Variants in DGKG observed in about 807,000 individuals in gnomAD.
DGKG encodes the protein diacylglycerol kinase gamma.
A neutral mutation model predicts 105.3 loss-of-function variants in DGKG; 78 were observed. That is an observed-to-expected ratio of 0.74 (90% CI 0.62 to 0.89). DGKG has a LOEUF of 0.89. Ranked by LOEUF, DGKG falls within the 40% of genes least tolerant of loss-of-function variation. The pLI is 0.00. For missense variants in DGKG, 958 were observed against 1,020.1 expected, an observed-to-expected ratio of 0.94 and a Z score of 0.83; for synonymous variants, 346 against 367.1, an observed-to-expected ratio of 0.94 and a Z score of 0.66.
chr3:186,234,611 G>T (rs1720324733), intron 20 of DGKG, among the ~76,000 whole-genome samples: 1 of 152,142 alleles, frequency 6.6e-6, no homozygotes. Flanking sequence ...ACATGAATAA[G>T]ACCTTTCCTG....
At chr3:186,240,625 C>T (rs533809542) in intron 20 of DGKG, among the ~76,000 whole-genome samples, 2 of 152,122 alleles carry the variant, frequency 1.3e-5, no homozygotes, top group African/African-American at 4.8e-5. Context: ...GCCTGGCCAA[C>T]ATGGTGAAAC....
intron 2 of DGKG, among the ~76,000 whole-genome samples, chr3:186,309,111 A>G (rs542283488): frequency 2.1e-4 from 32 of 152,362 alleles, no homozygotes; most frequent in Non-Finnish European, 3.5e-4. Flanking sequence ...AATGATATGA[A>G]GTTCTATGAA....
chr3:186,339,978 G>T (rs1726012215), intron 1 of DGKG, among the ~76,000 whole-genome samples: 1 of 152,222 alleles, frequency 6.6e-6, no homozygotes, highest in East Asian at 1.9e-4. Flanking sequence ...TAGGATTAAA[G>T]ATAATGAATA....
At chr3:186,269,230 C>T (rs1722203165) in intron 11 of DGKG, among the ~76,000 whole-genome samples, 1 of 152,252 alleles carries the variant, frequency 6.6e-6, no homozygotes, top group African/African-American at 2.4e-5. Context: ...TTGCAGAACG[C>T]CTTGCAGAGT....
At chr3:186,264,979 G>A (rs1016188315) in intron 14 of DGKG, among the ~76,000 whole-genome samples, 2 of 152,172 alleles carry the variant, frequency 1.3e-5, no homozygotes, top group African/African-American at 2.4e-5. Flanking sequence ...GCATATTAAA[G>A]TTTTATGTAA....
rs141551383 is a variant in DGKG, at chr3:186,280,102, G to A, written c.670-129C>T. On this transcript the variant is annotated intron_variant, in intron 8 of 24. Transcript: ENST00000265022. ...TTACCCCTTTCCCCTCCTGTTAAGT[G>A]TGAATAGAGCAGACTGGGAGTGAGG... 7.1e-4 allele frequency: 873 copies of A among 1,229,608 alleles called. 6 individuals carry two copies. The African/African-American group carries it at 0.011, about 15-fold the overall frequency. The allele number at this position is 1,229,608 out of a possible 1,614,324, so 76.2% of individuals were successfully genotyped here.
intron 21 of DGKG, among the ~76,000 whole-genome samples, chr3:186,197,390 G>A (rs2268851): frequency 0.47 from 71,178 of 151,840 alleles, 19,924 homozygotes; most frequent in East Asian, 0.74. Flanking sequence ...CAGAGGGGTG[G>A]CTGACCTAGA....
chr3:186,289,156 T>A (rs62289053), intron 5 of DGKG, among the ~76,000 whole-genome samples: 13,533 of 152,244 alleles, frequency 0.089, 820 homozygotes, highest in Non-Finnish European at 0.12. Context: ...ATGATAGTGA[T>A]TATTGGTAAT....
chr3:186,241,376 A>G (rs1222873146), intron 20 of DGKG, among the ~76,000 whole-genome samples: 1 of 152,028 alleles, frequency 6.6e-6, no homozygotes, highest in Non-Finnish European at 1.5e-5. Context: ...AACATAGTGA[A>G]ACCCCATCTC....
chr3:186,179,770 G>C (rs1044436575), intron 22 of DGKG, among the ~76,000 whole-genome samples: 6 of 152,222 alleles, frequency 3.9e-5, no homozygotes, highest in Non-Finnish European at 8.8e-5. Context: ...TGTAGAGTCA[G>C]TTGGGAATAG....
At chr3:186,328,278 G>A (rs1578840731) in intron 1 of DGKG, among the ~76,000 whole-genome samples, 1 of 152,168 alleles carries the variant, frequency 6.6e-6, no homozygotes, top group Non-Finnish European at 1.5e-5. Context: ...CTATTGCGGT[G>A]GTTGATGATT....
chr3:186,186,163 A>G (rs1415328803), intron 22 of DGKG, among the ~76,000 whole-genome samples: 4 of 150,290 alleles, frequency 2.7e-5, no homozygotes, highest in Non-Finnish European at 5.9e-5. Context: ...AGAGGTGTGG[A>G]GATGATGTTT....
rs112673440 is a variant in DGKG, at chr3:186,242,829, G to A, written c.1762-261C>T. ...TGCTATTTCACTCTAGCCCGGACCC[G>A]CTGAGAACAGATAGATAGTTCAGGG... On this transcript the variant is annotated intron_variant, in intron 19 of 24. Coordinates refer to ENST00000265022, the MANE Select transcript of DGKG (RefSeq NM_001346.3). Among the ~76,000 whole-genome samples, 313 of 152,250 alleles carry A rather than the reference G, an allele frequency of 2.1e-3. 2 individuals carry two copies. Among genetic ancestry groups the A allele is most frequent in the African/African-American group, 7.1e-3 (294 of 41,532 alleles).
At chr3:186,236,007 T>C (rs1291912119) in intron 20 of DGKG, among the ~76,000 whole-genome samples, 1 of 152,188 alleles carries the variant, frequency 6.6e-6, no homozygotes, top group Non-Finnish European at 1.5e-5. Flanking sequence ...CCCCCTCCCT[T>C]GATCCTGCTA....
chr3:186,267,721 G>A lies in DGKG; in HGVS notation c.1173C>T (p.His391=). ...TLCDGGELRD[H]ILLPTSICPI... ...GGCATATGGAGGTGGGCAGTAAGAT[G>A]TGGTCTCTGAGTTCCCCACCGTCAC... is the stretch of plus-strand genomic sequence containing the variant. Residue 391 remains histidine, a synonymous_variant, in exon 13 of 25, where the codon CAC becomes CAT. Coordinates refer to ENST00000265022, the MANE Select transcript of DGKG (RefSeq NM_001346.3). 1 of 1,614,142 alleles carries A rather than the reference G, an allele frequency of 6.2e-7. No homozygotes were observed. The highest frequency in any genetic ancestry group is 8.5e-7 in the Non-Finnish European group (1 of 1,179,988).
At chr3:186,197,072 T>C (rs1431676173) in intron 21 of DGKG, among the ~76,000 whole-genome samples, 1 of 152,048 alleles carries the variant, frequency 6.6e-6, no homozygotes, top group Non-Finnish European at 1.5e-5. Flanking sequence ...AAAGAGAAGA[T>C]GCTGAACAGA....
intron 22 of DGKG, among the ~76,000 whole-genome samples, chr3:186,165,804 A>G (rs1578611066): frequency 6.6e-6 from 1 of 152,262 alleles, no homozygotes; most frequent in East Asian, 1.9e-4. Context: ...CAGTAGCAGG[A>G]TTAATGTTTG....
chr3:186,225,442 T>C (rs912313628), intron 20 of DGKG, among the ~76,000 whole-genome samples: 1 of 152,062 alleles, frequency 6.6e-6, no homozygotes, highest in Admixed American at 6.5e-5. Context: ...AACCCTAAGG[T>C]TATATTTCCT....
At chr3:186,353,858 T>C (rs2108676344) in intron 1 of DGKG, among the ~76,000 whole-genome samples, 1 of 152,220 alleles carries the variant, frequency 6.6e-6, no homozygotes, top group East Asian at 1.9e-4. Context: ...AGCATTGCTA[T>C]GGTTTGCATC....
Sources: gnomAD v4.1 joint callset for allele counts (sites outside exome capture counted in the v4.1 genomes callset) on GRCh38, gnomAD v4.1.1 for gene constraint, MANE v1.5 for transcripts, NCBI Gene and HGNC (gene_info 2026-07-23, HGNC 2026-07-21) for gene names.